VPS33A: variants seen among roughly 807,000 people sequenced by gnomAD.
VPS33A encodes the protein vacuolar protein sorting-associated protein 33A.
Under a neutral mutation model 71.8 loss-of-function variants are expected in VPS33A, and 32 were observed. That is an observed-to-expected ratio of 0.45 (90% confidence interval 0.34 to 0.60). VPS33A has a LOEUF of 0.60. VPS33A is among the 20% of genes least tolerant of loss of function. The probability of loss-of-function intolerance (pLI) is 0.02; values close to 1 mark genes in which losing one functional copy is unlikely to be tolerated. For missense variants in VPS33A, 625 were observed against 748.5 expected (o/e 0.84, Z 1.92); for synonymous variants, 311 against 292.7 (o/e 1.06, Z -0.64).
intron 12 of VPS33A, 33 bp downstream of exon 12, chr12:122,232,767 A>AT (rs1235356770): frequency 6.3e-7 from 1 of 1,594,288 alleles, no homozygotes; most frequent in African/African-American, 1.3e-5. Context: ...CTAACAGTAC[A>AT]TAATTATCTG....
Position 122,263,685 on chromosome 12 carries a change from T to G in VPS33A, c.183A>C (p.Glu61Asp). The G allele has an allele frequency of 6.2e-7, 1 of 1,610,452 alleles. No homozygotes were observed. Among genetic ancestry groups the G allele is most frequent in the Non-Finnish European group, 8.5e-7 (1 of 1,177,516 alleles). The change falls in exon 3 of 13, where the codon GAA becomes GAC. Residue 61 changes from glutamate (E) to aspartate (D), a missense_variant. By Grantham distance (45) the Glu-to-Asp change is conservative. Transcript: ENST00000267199. The part of the protein sequence containing the change: ...QYSLLKEHEV[E>D]KMFTLKGNRL... ...GATTTCCTTTAAGTGTGAACATTTT[T>G]TCCACTTCATGTTCCTAGGCAAACA...
chr12:122,266,399 G>A lies in VPS33A; in HGVS notation c.10C>T (p.His4Tyr), dbSNP rs539322852. MAA[H>Y]LSYGRVNLNV... ...AGGTTCACTCGGCCGTAGGACAGAT[G>A]AGCCGCCATCTTGCTCCACCACCCC... The change falls in exon 1 of 13, where the codon CAT becomes TAT. Residue 4 changes from histidine to tyrosine, a missense_variant. By Grantham distance (83) the His-to-Tyr change is moderately conservative. Coordinates refer to ENST00000267199, the MANE Select transcript of VPS33A (RefSeq NM_022916.6). 1.2e-5 allele frequency: 19 copies of A among 1,611,184 alleles called. No homozygotes were observed. Among genetic ancestry groups the A allele is most frequent in the Admixed American group, 6.7e-5 (4 of 59,936 alleles).
At chr12:122,244,161 T>C (rs1363080936) in intron 7 of VPS33A, among the ~76,000 whole-genome samples, 1 of 152,188 alleles carries the variant, frequency 6.6e-6, no homozygotes, top group Non-Finnish European at 1.5e-5. Context: ...CCACACGTGC[T>C]GACTTCCCCT....
intron 10 of VPS33A, among the ~76,000 whole-genome samples, chr12:122,237,161 G>A (rs1269280509): frequency 1.3e-5 from 2 of 152,144 alleles, no homozygotes; most frequent in Admixed American, 1.3e-4. Context: ...ACAAAGGGGA[G>A]ACTTTTCAAA....
chr12:122,247,890 T>A lies in VPS33A; in HGVS notation c.775+1981A>T, dbSNP rs566484264. ...CTTTCTTTTTAAATATTTAAAAAAATTTTCACCTATTTTATTATTTTTTTG... is the reference window on the plus strand; with the variant it reads ...CTTTCTTTTTAAATATTTAAAAAAAATTTCACCTATTTTATTATTTTTTTG... On this transcript the variant is annotated intron_variant, in intron 6 of 12. Coordinates refer to ENST00000267199, the MANE Select transcript of VPS33A (RefSeq NM_022916.6). Among the ~76,000 whole-genome samples, 6 of 152,162 alleles carry A rather than the reference T, an allele frequency of 3.9e-5. No homozygotes were observed. In the East Asian group the frequency reaches 5.8e-4, roughly 15 times the overall value.
rs778591474 is a variant in VPS33A, at chr12:122,232,089, C to T, written c.*157G>A. On this transcript the variant is annotated 3_prime_UTR_variant, in exon 13 of 13. Transcript: ENST00000267199. ...AAAAAAAAAGGGAATACAAAAGAGACGGAGAAAGCAGTAAACAGTAGTATA... is the reference window on the plus strand; with the variant it reads ...AAAAAAAAAGGGAATACAAAAGAGATGGAGAAAGCAGTAAACAGTAGTATA... 2.9e-5 allele frequency: 19 copies of T among 659,320 alleles called. No homozygotes were observed. In the South Asian group the frequency reaches 3.8e-4, roughly 13 times the overall value. 40.8% of individuals were successfully genotyped at this position (659,320 alleles called of 1,614,324 possible).
At chr12:122,252,329 C>T (rs1457572783) in intron 4 of VPS33A, among the ~76,000 whole-genome samples, 7 of 151,364 alleles carry the variant, frequency 4.6e-5, no homozygotes, top group South Asian at 2.1e-4. Context: ...AGTGCAGTGG[C>T]GCGATCTCGG....
chr12:122,250,554 G>A (rs1205976545), intron 5 of VPS33A, among the ~76,000 whole-genome samples: 1 of 152,080 alleles, frequency 6.6e-6, no homozygotes, highest in Non-Finnish European at 1.5e-5. Context: ...TAATGTCTCC[G>A]CCAGGCACAC....
chr12:122,232,953 A>G lies in VPS33A; in HGVS notation c.1456T>C (p.Ser486Pro), dbSNP rs1954584104. The G allele has an allele frequency of 3.1e-6, 5 of 1,609,078 alleles. No homozygotes were observed. The highest frequency in any genetic ancestry group is 1.3e-5 in the African/African-American group (1 of 74,730). ...DVNEQNPTDI[S>P]YVYSGYAPLS... The stretch of plus-strand genomic sequence containing the variant: ...GGGGCATACCCACTGTACACATACG[A>G]TATGTCCGTGGGGTTCTGTGAGATA... The change falls in exon 12 of 13, where the codon TCG becomes CCG. Residue 486 changes from serine to proline, a missense_variant. Transcript: ENST00000267199.
In VPS33A at chr12:122,251,916, A is replaced by T. The variant is rs555550267; in HGVS notation, c.484-817T>A. On this transcript the variant is annotated intron_variant, in intron 4 of 12. Transcript: ENST00000267199. ...TGTGCACATGTACCCTAGAACTTAA[A>T]GTATAAAAAAAAAAAAAAGAAAAAA... is the stretch of plus-strand genomic sequence containing the variant. Among the ~76,000 whole-genome samples the T allele has an allele frequency of 2.0e-3, 294 of 145,926 alleles. 1 individual carries two copies. Among genetic ancestry groups the T allele is most frequent in the Non-Finnish European group, 2.5e-3 (167 of 67,918 alleles).
intron 4 of VPS33A, among the ~76,000 whole-genome samples, chr12:122,255,960 C>T (rs963197143): frequency 2.6e-5 from 4 of 151,966 alleles, no homozygotes; most frequent in East Asian, 1.9e-4. Context: ...CACATCACCA[C>T]GTGTGGCTAG....
At chr12:122,248,607 C>A (rs1251382965) in intron 6 of VPS33A, 2 of 152,258 alleles carry the variant, frequency 1.3e-5, no homozygotes, top group Admixed American at 6.5e-5. Flanking sequence ...ACCTTCTGTA[C>A]CAGCCGTTTT....
Position 122,242,442 on chromosome 12 carries a change from C to T in VPS33A, c.1036G>A (p.Ala346Thr). 2 of 1,614,112 alleles carry T rather than the reference C, an allele frequency of 1.2e-6. No individual in the cohort carries two copies. Among genetic ancestry groups the T allele is most frequent in the South Asian group, 1.1e-5 (1 of 91,082 alleles). ...QFVSQLPHMQ[A>T]ARGSLANHTS... ...TGGTTTGCAAGCGAGCCCCTTGCTGCCTGCATGTGGGGCAACTGGGAAACA... is the reference window on the plus strand; with the variant it reads ...TGGTTTGCAAGCGAGCCCCTTGCTGTCTGCATGTGGGGCAACTGGGAAACA... Residue 346 changes from alanine to threonine, a missense_variant, in exon 8 of 13, where the codon GCA becomes ACA. Transcript: ENST00000267199.
Position 122,239,886 on chromosome 12 carries a change from T to C in VPS33A, c.1156A>G (p.Thr386Ala), listed in dbSNP as rs779084622. Reference protein sequence around the residue: ...VEQEFMSGIDTDKVNNYIEDC... With the variant: ...VEQEFMSGIDADKVNNYIEDC... ...TTTTTTTGTCCACATACCTTATCAG[T>C]GTCTATTCCAGACATAAACTCCTGT... Residue 386 changes from threonine to alanine, a missense_variant, in exon 9 of 13, where the codon ACT becomes GCT. Thr to Ala is a moderately conservative substitution (Grantham distance 58). Coordinates refer to ENST00000267199, the MANE Select transcript of VPS33A (RefSeq NM_022916.6). 1.9e-6 allele frequency: 3 copies of C among 1,613,298 alleles called. No homozygotes were observed. The highest frequency in any genetic ancestry group is 1.7e-5 in the Admixed American group (1 of 59,894).
At position 122,266,475 on chromosome 12, in the gene VPS33A, A is replaced by T. The variant is rs1010932069; in HGVS notation, c.-67T>A. On this transcript the variant is annotated 5_prime_UTR_variant, in exon 1 of 13. Coordinates refer to ENST00000267199, the MANE Select transcript of VPS33A (RefSeq NM_022916.6). ...GCCGGTTCCTACGGGAGGACCACGG[A>T]CGCAGTCACGTGACCAAACGTCCAC... 2 of 1,564,578 alleles carry T rather than the reference A, an allele frequency of 1.3e-6. No homozygotes were observed. The highest frequency in any genetic ancestry group is 2.4e-5 in the East Asian group (1 of 42,442).
chr12:122,258,300 C>T (rs1383532306), intron 4 of VPS33A, among the ~76,000 whole-genome samples: 1 of 151,966 alleles, frequency 6.6e-6, no homozygotes, highest in African/African-American at 2.4e-5. Flanking sequence ...TAGGCAATGG[C>T]TTCTCAGAGA....
intron 6 of VPS33A, 106 bp downstream of exon 6, chr12:122,249,765 C>T: frequency 1.8e-6 from 2 of 1,127,930 alleles, no homozygotes; most frequent in Non-Finnish European, 2.5e-6. Context: ...AAAATCGGAT[C>T]TCTGACTTTA....
chr12:122,238,766 TACATAC>T (rs1555247682), intron 9 of VPS33A, 42 bp from the exon 10 acceptor site: 4 of 1,354,066 alleles, frequency 3.0e-6, no homozygotes, highest in Admixed American at 1.9e-5. Context: ...CATTTACATA[TACATAC>T]ACACACACAC....
In VPS33A at chr12:122,266,284, T is replaced by G. The variant is rs111614594; in HGVS notation, c.102+23A>C. 5 of 1,602,610 alleles carry G rather than the reference T, an allele frequency of 3.1e-6. No individual in the cohort carries two copies. The Middle Eastern group carries it at 7.1e-4, about 228-fold the overall frequency. ...GCCGGACCAGGGGAGGCGAGGGCGG[T>G]GTCGCTGCCTCCCGCCCCTCACCTT... On this transcript the variant is annotated intron_variant, in intron 1 of 12. Coordinates refer to ENST00000267199, the MANE Select transcript of VPS33A (RefSeq NM_022916.6).
Sources: allele counts gnomAD v4.1 joint callset (sites outside exome capture counted in the v4.1 genomes callset), GRCh38; gene constraint gnomAD v4.1.1; transcripts MANE v1.5; gene names NCBI Gene and HGNC (gene_info 2026-07-23, HGNC 2026-07-21).